The following ADGRL1 variants were observed in gnomAD, a reference collection of about 807,000 sequenced individuals.
ADGRL1 encodes CIRL-1.
A neutral mutation model predicts 148.9 loss-of-function variants in ADGRL1; 31 were observed. The observed-to-expected ratio is 0.21, with a 90% CI of 0.16 to 0.28. The LOEUF is 0.28. ADGRL1 is among the 10% of genes least tolerant of loss of function. The pLI is 1.00. For synonymous variants in ADGRL1, 937 were observed against 900.3 expected (o/e 1.04, Z -0.73); for missense variants, 1,521 against 2,058.8 (o/e 0.74, Z 5.05).
chr19:14,186,859 A>C (rs922657515), intron 1 of ADGRL1, among the ~76,000 whole-genome samples: 2 of 152,150 alleles, frequency 1.3e-5, no homozygotes, highest in African/African-American at 4.8e-5. Context: ...GCGGCTGCTC[A>C]TTGTTCAGGG....
At position 14,159,989 on chromosome 19, in the gene ADGRL1, T is replaced by C; in HGVS notation, c.1800+123A>G. On this transcript the variant is annotated intron_variant, in intron 8 of 22. Coordinates refer to ENST00000361434, the MANE Select transcript of ADGRL1 (RefSeq NM_014921.5). The surrounding 1 kb of genome is among the most constrained non-coding windows in gnomAD (Gnocchi z 6.0). ...GTCCTTGGCGGAGAGGGGGGGGTCC[T>C]TCCTCTCTGAGGAAAGGAGTGGAGG... 1 of 1,136,310 alleles carries C rather than the reference T, an allele frequency of 8.8e-7. No homozygotes were observed. Among genetic ancestry groups the C allele is most frequent in the Admixed American group, 2.4e-5 (1 of 41,252 alleles). 70.4% of individuals were successfully genotyped at this position (1,136,310 alleles called of 1,614,324 possible).
chr19:14,192,181 A>G (rs1971986829), intron 1 of ADGRL1, among the ~76,000 whole-genome samples: 1 of 152,046 alleles, frequency 6.6e-6, no homozygotes, highest in Non-Finnish European at 1.5e-5. Context: ...AACCTCATCC[A>G]TCCCATCCCT....
intron 1 of ADGRL1, among the ~76,000 whole-genome samples, chr19:14,189,111 C>A (rs1971771373): frequency 6.6e-6 from 1 of 152,172 alleles, no homozygotes; most frequent in Non-Finnish European, 1.5e-5. Flanking sequence ...ATAATGCCCA[C>A]TCCCCTTGTC....
At chr19:14,201,485 T>C (rs1384623487) in intron 1 of ADGRL1, among the ~76,000 whole-genome samples, 1 of 151,322 alleles carries the variant, frequency 6.6e-6, no homozygotes, top group Non-Finnish European at 1.5e-5. Flanking sequence ...TGTGCAATCA[T>C]AGCTCACTGC....
chr19:14,151,402 G>A lies in ADGRL1; in HGVS notation c.3881C>T (p.Ala1294Val), dbSNP rs375409399. Residue 1294 changes from alanine to valine, a missense_variant, in exon 23 of 23, where the codon GCG becomes GTG. Transcript: ENST00000361434. The stretch of plus-strand genomic sequence containing the variant: ...CTCAGGCGGTGGAGGGCCCTTGGCC[G>A]CGCTGCTGCTCCCCCGCAGGTTGTT... Reference protein sequence around the residue: ...VHNNLRGSSSAAKGPPPPEPP... With the variant: ...VHNNLRGSSSVAKGPPPPEPP... 3.9e-5 allele frequency: 62 copies of A among 1,609,728 alleles called. 1 individual carries two copies. In the African/African-American group the frequency reaches 3.9e-4, roughly 10 times the overall value.
chr19:14,165,249 T>C (rs565292813), intron 4 of ADGRL1, among the ~76,000 whole-genome samples: 3 of 152,158 alleles, frequency 2.0e-5, no homozygotes, highest in Non-Finnish European at 1.5e-5. Flanking sequence ...AAAACGACCC[T>C]GGCTTGGGCC....
chr19:14,163,689 G>A (rs917919538), intron 4 of ADGRL1, among the ~76,000 whole-genome samples: 18 of 152,144 alleles, frequency 1.2e-4, no homozygotes, highest in African/African-American at 3.6e-4. Context: ...CATTAAGAGC[G>A]GGGTTAGTGA....
intron 1 of ADGRL1, among the ~76,000 whole-genome samples, chr19:14,198,482 CTTCTGGCCTCCT>C (rs1972406520): frequency 6.6e-6 from 1 of 152,132 alleles, no homozygotes; most frequent in Admixed American, 6.5e-5. Context: ...CCTGGCCTCC[CTTCTGGCCTCCT>C]GGCCTCCCTT....
intron 16 of ADGRL1, 93 bp downstream of exon 16, chr19:14,156,565 G>GTGTT: frequency 2.5e-6 from 2 of 813,184 alleles, no homozygotes; most frequent in Middle Eastern, 3.6e-4. Flanking sequence ...GTGTGTGTGT[G>GTGTT]TGGGGGGGGT....
chr19:14,194,552 CCA>C (rs1355770960), intron 1 of ADGRL1, among the ~76,000 whole-genome samples: 2 of 152,186 alleles, frequency 1.3e-5, no homozygotes, highest in African/African-American at 4.8e-5. Context: ...ATGCTTGTAC[CCA>C]CAGTTTACAG....
intron 1 of ADGRL1, among the ~76,000 whole-genome samples, chr19:14,196,128 C>G (rs1193044568): frequency 6.6e-6 from 1 of 152,236 alleles, no homozygotes; most frequent in African/African-American, 2.4e-5. Flanking sequence ...CCCTATCTAT[C>G]TGCCACCCCT....
At chr19:14,169,057 C>T (rs1314166988) in intron 4 of ADGRL1, 1 of 152,310 alleles carries the variant, frequency 6.6e-6, no homozygotes, top group African/African-American at 2.4e-5. Flanking sequence ...CTTTTGACCC[C>T]TCTCCACCCC....
chr19:14,205,591 C>T (rs980112686), intron 1 of ADGRL1, among the ~76,000 whole-genome samples: 2 of 151,940 alleles, frequency 1.3e-5, no homozygotes, highest in African/African-American at 4.8e-5. Context: ...CGCCAAGCAC[C>T]CGCGCGCACA....
At chr19:14,154,484 G>A (rs904327266) in intron 18 of ADGRL1, among the ~76,000 whole-genome samples, 1 of 152,184 alleles carries the variant, frequency 6.6e-6, no homozygotes, top group African/African-American at 2.4e-5. Flanking sequence ...AATAGAGACG[G>A]GGTCTCTGTT....
At position 14,148,956 on chromosome 19, in the gene ADGRL1, A is replaced by C. The variant is rs1401257141; in HGVS notation, c.*1917T>G. 1 of 152,794 alleles carries C rather than the reference A, an allele frequency of 6.5e-6. No individual in the cohort carries two copies. The highest frequency in any genetic ancestry group is 6.5e-5 in the Admixed American group (1 of 15,284). The allele number at this position is 152,794 out of a possible 1,614,324, so 9.5% of individuals were successfully genotyped here. On this transcript the variant is annotated 3_prime_UTR_variant, in exon 23 of 23. Transcript: ENST00000361434. The stretch of plus-strand genomic sequence containing the variant: ...CCTCCCCCTTAACCCAACAAAGTTC[A>C]TGGCAGCAGCAGGCTGAGACCCGAA...
chr19:14,191,790 G>A (rs1373926070), intron 1 of ADGRL1, among the ~76,000 whole-genome samples: 3 of 151,670 alleles, frequency 2.0e-5, no homozygotes, highest in Non-Finnish European at 4.4e-5. Context: ...CAACCTCCCA[G>A]GCTCATGGGA....
At chr19:14,167,552 GGC>G (rs1970095410) in intron 4 of ADGRL1, among the ~76,000 whole-genome samples, 1 of 152,078 alleles carries the variant, frequency 6.6e-6, no homozygotes, top group African/African-American at 2.4e-5. Context: ...TGTCTCCCAG[GGC>G]CTGGGCCCAC....
At position 14,163,357 on chromosome 19, in the gene ADGRL1, T is replaced by G; in HGVS notation, c.444A>C (p.Thr148=). 6.2e-7 allele frequency: 1 copy of G among 1,600,958 alleles called. No individual in the cohort carries two copies. The highest frequency in any genetic ancestry group is 8.5e-7 in the Non-Finnish European group (1 of 1,174,656). ...TLQKVLEPTS[T]HESEHQSGAW... is the part of the protein sequence containing the mutation. ...CGCCAGACTGGTGCTCTGACTCGTG[T>G]GTCGAGGTGGGCTCCAGCACCTTCT... The change falls in exon 5 of 23, where the codon ACA becomes ACC. Residue 148 remains threonine, a synonymous_variant. Transcript: ENST00000361434.
At chr19:14,200,441 C>T (rs1192234641) in intron 1 of ADGRL1, among the ~76,000 whole-genome samples, 4 of 152,198 alleles carry the variant, frequency 2.6e-5, no homozygotes, top group African/African-American at 7.2e-5. Context: ...GTCAGGCCCC[C>T]GCCTGCCTTT....
Sources: gnomAD v4.1 joint callset for allele counts (sites outside exome capture counted in the v4.1 genomes callset) on GRCh38, gnomAD v4.1.1 for gene constraint, Gnocchi (gnomAD v3.1) non-coding constraint, MANE v1.5 for transcripts, NCBI Gene and HGNC (gene_info 2026-07-23, HGNC 2026-07-21) for gene names.